The following MSI2 variants were observed in gnomAD, a reference collection of about 807,000 sequenced individuals.
MSI2 encodes RNA-binding protein Musashi homolog 2.
Under a neutral mutation model 45.6 loss-of-function variants are expected in MSI2, and 17 were observed. The observed-to-expected ratio is 0.37, with a 90% CI of 0.26 to 0.56. MSI2 has a LOEUF of 0.56. Ranked by LOEUF, MSI2 falls within the 20% of genes least tolerant of loss-of-function variation. MSI2 has a pLI of 0.77. For synonymous variants in MSI2, 156 were observed against 158.2 expected (o/e 0.99, Z 0.11); for missense variants, 293 against 444.2 (o/e 0.66, Z 3.06).
At chr17:57,285,122 G>A (rs1909760332) in intron 5 of MSI2, among the ~76,000 whole-genome samples, 2 of 152,158 alleles carry the variant, frequency 1.3e-5, no homozygotes, top group South Asian at 4.1e-4. Flanking sequence ...CTTCCCCTTA[G>A]ATAAGGAACC....
At chr17:57,629,290 G>T (rs1340005028) in intron 10 of MSI2, 2 of 152,162 alleles carry the variant, frequency 1.3e-5, no homozygotes, top group Admixed American at 6.5e-5. Context: ...TGAGCCGGGC[G>T]TGGTGCCCGG....
intron 13 of MSI2, among the ~76,000 whole-genome samples, chr17:57,677,695 T>C (rs1373849272): frequency 6.6e-6 from 1 of 152,382 alleles, no homozygotes; most frequent in East Asian, 1.9e-4. Flanking sequence ...CTGTGTAACA[T>C]GGATTTGGAT....
At chr17:57,318,710 C>T (rs376572184) in intron 5 of MSI2, among the ~76,000 whole-genome samples, 9 of 152,170 alleles carry the variant, frequency 5.9e-5, no homozygotes, top group Non-Finnish European at 1.3e-4. Flanking sequence ...ACAGCACGTT[C>T]CTGAATCCAG....
intron 7 of MSI2, among the ~76,000 whole-genome samples, chr17:57,576,613 G>A (rs1160448698): frequency 6.6e-6 from 1 of 152,082 alleles, no homozygotes; most frequent in Non-Finnish European, 1.5e-5. Context: ...AACATTAGTG[G>A]CACGGTGGTG....
intron 6 of MSI2, among the ~76,000 whole-genome samples, chr17:57,406,478 C>G (rs11079294): frequency 1 from 152,091 of 152,294 alleles, 75,944 homozygotes; most frequent in Middle Eastern, 1. Context: ...CGGATGGAGC[C>G]GTTCCGCACC....
intron 5 of MSI2, among the ~76,000 whole-genome samples, chr17:57,363,030 G>A (rs1315404047): frequency 6.6e-6 from 1 of 152,182 alleles, no homozygotes; most frequent in Non-Finnish European, 1.5e-5. Flanking sequence ...GAGAGATTTG[G>A]AGGCAGGGAC....
chr17:57,329,644 A>C (rs894839877), intron 5 of MSI2, among the ~76,000 whole-genome samples: 4 of 152,194 alleles, frequency 2.6e-5, no homozygotes, highest in African/African-American at 9.7e-5. Flanking sequence ...TATTTACATG[A>C]GTTAGTGAAA....
At chr17:57,576,788 T>G (rs2088060804) in intron 7 of MSI2, among the ~76,000 whole-genome samples, 1 of 149,870 alleles carries the variant, frequency 6.7e-6, no homozygotes, top group Admixed American at 6.7e-5. Flanking sequence ...ATAATCGATG[T>G]CTAATTTTAA....
chr17:57,517,480 G>C (rs577312837), intron 6 of MSI2, among the ~76,000 whole-genome samples: 1 of 152,208 alleles, frequency 6.6e-6, no homozygotes, highest in Non-Finnish European at 1.5e-5. Flanking sequence ...CAGCTTGTCC[G>C]AGAGGGCGGG....
chr17:57,451,615 T>G (rs1416459945), intron 6 of MSI2, among the ~76,000 whole-genome samples: 2 of 152,138 alleles, frequency 1.3e-5, no homozygotes, highest in African/African-American at 4.8e-5. Context: ...GTCCCTAATC[T>G]CATTCTCACC....
chr17:57,643,702 G>C (rs973641456), intron 10 of MSI2, among the ~76,000 whole-genome samples: 1 of 152,256 alleles, frequency 6.6e-6, no homozygotes, highest in Non-Finnish European at 1.5e-5. Context: ...CCTCAACAAA[G>C]GTTTGACATT....
intron 10 of MSI2, among the ~76,000 whole-genome samples, chr17:57,650,239 C>T (rs569785770): frequency 7.9e-5 from 12 of 152,016 alleles, no homozygotes; most frequent in South Asian, 2.1e-4. Context: ...CAAGTCTTTC[C>T]GTGCTTCCAA....
At chr17:57,520,393 G>A (rs898976008) in intron 6 of MSI2, among the ~76,000 whole-genome samples, 3 of 152,118 alleles carry the variant, frequency 2.0e-5, no homozygotes, top group Admixed American at 6.6e-5. Flanking sequence ...AACATTGTGC[G>A]TTTTTTCTTG....
At chr17:57,546,080 C>T (rs1051890688) in intron 7 of MSI2, among the ~76,000 whole-genome samples, 7 of 152,150 alleles carry the variant, frequency 4.6e-5, no homozygotes, top group African/African-American at 1.4e-4. Flanking sequence ...CTGGAGATTC[C>T]GGGGCGATTA....
At chr17:57,550,525 A>G (rs2087279161) in intron 7 of MSI2, among the ~76,000 whole-genome samples, 1 of 152,214 alleles carries the variant, frequency 6.6e-6, no homozygotes, top group Non-Finnish European at 1.5e-5. Context: ...GTCACAGGGA[A>G]AGAACACGAT....
At chr17:57,416,229 G>T (rs1488973067) in intron 6 of MSI2, among the ~76,000 whole-genome samples, 1 of 152,206 alleles carries the variant, frequency 6.6e-6, no homozygotes. Flanking sequence ...GCAGATATTT[G>T]TAGGGGGTTG....
intron 6 of MSI2, among the ~76,000 whole-genome samples, chr17:57,410,777 A>G (rs1203205574): frequency 1.3e-5 from 2 of 152,092 alleles, no homozygotes; most frequent in African/African-American, 2.4e-5. Context: ...AGATTTGCTT[A>G]TAGAGTGTTA....
chr17:57,297,408 A>G (rs1911073099), intron 5 of MSI2, among the ~76,000 whole-genome samples: 1 of 152,128 alleles, frequency 6.6e-6, no homozygotes, highest in Non-Finnish European at 1.5e-5. Context: ...ATTATGCCTA[A>G]AAAACAATGT....
chr17:57,373,364 G>A (rs946071295), intron 5 of MSI2, among the ~76,000 whole-genome samples: 5 of 152,144 alleles, frequency 3.3e-5, no homozygotes, highest in Non-Finnish European at 7.4e-5. Flanking sequence ...CAGCCAGTTA[G>A]GAACAAAACA....
Sources: gnomAD v4.1 joint callset for allele counts (sites outside exome capture counted in the v4.1 genomes callset) on GRCh38, gnomAD v4.1.1 for gene constraint, MANE v1.5 for transcripts, NCBI Gene and HGNC (gene_info 2026-07-23, HGNC 2026-07-21) for gene names.